GOLM1: variants seen among roughly 807,000 people sequenced by gnomAD.
The protein encoded by GOLM1 is epididymis luminal protein 46.
Under a neutral mutation model 50.5 loss-of-function variants are expected in GOLM1, and 31 were observed. The ratio of observed to expected loss-of-function variants is 0.61; its 90% CI spans 0.46 to 0.83. GOLM1 has a LOEUF of 0.83. Among genes scored for constraint, GOLM1 ranks in the 40% least tolerant of loss-of-function variants. The probability of loss-of-function intolerance (pLI) is 0.00; values close to 1 mark genes in which losing one functional copy is unlikely to be tolerated. For synonymous variants in GOLM1, 178 were observed against 192.8 expected (o/e 0.92, Z 0.64); for missense variants, 491 against 501.3 (o/e 0.98, Z 0.20).
intron 1 of GOLM1, among the ~76,000 whole-genome samples, chr9:86,088,883 T>C (rs1321999564): frequency 6.6e-6 from 1 of 152,192 alleles, no homozygotes; most frequent in Non-Finnish European, 1.5e-5. Context: ...TTGGTACGCT[T>C]TTGCAGTGGC....
chr9:86,033,305 G>A lies in GOLM1; in HGVS notation c.1106C>T (p.Ala369Val). The A allele has an allele frequency of 6.2e-7, 1 of 1,607,428 alleles. No individual in the cohort carries two copies. The highest frequency in any genetic ancestry group is 8.5e-7 in the Non-Finnish European group (1 of 1,173,884). Residue 369 changes from alanine to valine, a missense_variant, in exon 9 of 10, where the codon GCA becomes GTA. Ala to Val is a moderately conservative substitution (Grantham distance 64). Transcript: ENST00000388712. ...ESETDKQAAL[A>V]GNDRNIDVFN... is the part of the protein sequence containing the mutation. ...ACCATCTATGTTTCTGTCATTCCCT[G>A]CCAGGGCTGCTTGCTTGTCTGTCTC... is the stretch of plus-strand genomic sequence containing the variant.
Position 86,026,350 on chromosome 9 carries a change from C to CTAA in GOLM1, c.*1466_*1467insTTA. ...GCCTTTTCTGGGTGGGAAAGTTTAACCTTAGTGACTAAGGACATCACATAT... is the reference window on the plus strand; with the variant it reads ...GCCTTTTCTGGGTGGGAAAGTTTAACTAACTTAGTGACTAAGGACATCACATAT... On this transcript the variant is annotated 3_prime_UTR_variant, in exon 10 of 10. Transcript: ENST00000388712. 1.0e-6 allele frequency: 1 copy of CTAA among 985,128 alleles called. No homozygotes were observed. The allele number at this position is 985,128 out of a possible 1,614,324, so 61.0% of individuals were successfully genotyped here.
chr9:86,058,017 C>A (rs1834041494), intron 3 of GOLM1, among the ~76,000 whole-genome samples: 1 of 152,218 alleles, frequency 6.6e-6, no homozygotes, highest in Non-Finnish European at 1.5e-5. Flanking sequence ...CTTCTTTGTA[C>A]TGAAATTCCT....
At chr9:86,033,152 AAC>A in intron 9 of GOLM1, 128 bp downstream of exon 9, 1 of 632,838 alleles carries the variant, frequency 1.6e-6, no homozygotes, top group South Asian at 1.9e-5. Context: ...GCTCCTAAAG[AAC>A]AGACGATCTC....
chr9:86,026,296 T>A lies in GOLM1; in HGVS notation c.*1521A>T, dbSNP rs1036076444. 5 of 984,200 alleles carry A rather than the reference T, an allele frequency of 5.1e-6. No homozygotes were observed. The African/African-American group carries it at 8.7e-5, about 17-fold the overall frequency. 61.0% of individuals were successfully genotyped at this position (984,200 alleles called of 1,614,324 possible). ...GGCTGGAAGAGGACTTAGAAGAGTA[T>A]GAAAGTACTCTAAGATTTTATCTAA... On this transcript the variant is annotated 3_prime_UTR_variant, in exon 10 of 10. Transcript: ENST00000388712.
chr9:86,041,015 G>T, intron 5 of GOLM1, 147 bp from the exon 6 acceptor site: 1 of 643,350 alleles, frequency 1.6e-6, no homozygotes, highest in Non-Finnish European at 2.7e-6. Flanking sequence ...GGCAACACGG[G>T]TGTGTGTTCA....
At chr9:86,089,490 C>T (rs576082813) in intron 1 of GOLM1, among the ~76,000 whole-genome samples, 4 of 152,182 alleles carry the variant, frequency 2.6e-5, no homozygotes, top group African/African-American at 7.2e-5. Flanking sequence ...TGTCTTCACG[C>T]TTTATTTCAT....
At chr9:86,028,173 T>C (rs1025912015) in intron 9 of GOLM1, among the ~76,000 whole-genome samples, 1 of 152,180 alleles carries the variant, frequency 6.6e-6, no homozygotes, top group Admixed American at 6.5e-5. Flanking sequence ...AGGACTCCTG[T>C]CTTCTTGCCC....
intron 1 of GOLM1, among the ~76,000 whole-genome samples, chr9:86,087,587 T>C (rs553879428): frequency 2.2e-4 from 33 of 152,318 alleles, no homozygotes; most frequent in African/African-American, 7.5e-4. Flanking sequence ...TTGTTGTAAA[T>C]AGCTCTTATT....
intron 3 of GOLM1, among the ~76,000 whole-genome samples, chr9:86,056,503 AAT>A (rs1564348848): frequency 1.4e-5 from 1 of 72,520 alleles, no homozygotes; most frequent in East Asian, 2.4e-4. Context: ...TTTTTATTTA[AAT>A]TTTTTTTTTT....
intron 4 of GOLM1, among the ~76,000 whole-genome samples, chr9:86,048,537 T>C (rs1833632944): frequency 6.6e-6 from 1 of 152,206 alleles, no homozygotes; most frequent in African/African-American, 2.4e-5. Flanking sequence ...CAGCACCTGT[T>C]GTTTCCTGAC....
intron 3 of GOLM1, among the ~76,000 whole-genome samples, chr9:86,053,907 A>C (rs1833907879): frequency 2.0e-5 from 3 of 151,620 alleles, no homozygotes; most frequent in Non-Finnish European, 2.9e-5. Flanking sequence ...ACTCCACACC[A>C]GCCCAGGTCT....
intron 1 of GOLM1, among the ~76,000 whole-genome samples, chr9:86,089,970 CCTTT>C (rs1424071098): frequency 1.3e-5 from 2 of 152,058 alleles, no homozygotes; most frequent in Non-Finnish European, 2.9e-5. Flanking sequence ...TGATGCTATT[CCTTT>C]CTGTTAGTTT....
intron 1 of GOLM1, among the ~76,000 whole-genome samples, chr9:86,092,617 CCAATGGGAGCAGGGCT>C (rs1158072482): frequency 1.3e-5 from 2 of 152,150 alleles, no homozygotes; most frequent in East Asian, 3.9e-4. Context: ...CCCTGGGCTC[CCAATGGGAGCAGGGCT>C]GCCCAGGTAA....
At chr9:86,082,316 G>T (rs565365107) in intron 1 of GOLM1, among the ~76,000 whole-genome samples, 1 of 150,514 alleles carries the variant, frequency 6.6e-6, no homozygotes, top group Non-Finnish European at 1.5e-5. Flanking sequence ...ATGAGCCACC[G>T]TGCCCAGCCT....
chr9:86,085,206 AT>A (rs1465096801), intron 1 of GOLM1, among the ~76,000 whole-genome samples: 1 of 152,186 alleles, frequency 6.6e-6, no homozygotes, highest in Non-Finnish European at 1.5e-5. Flanking sequence ...CATTAGTGAT[AT>A]TTTCAAGCAC....
At chr9:86,039,278 G>T (rs1833251363) in intron 6 of GOLM1, among the ~76,000 whole-genome samples, 1 of 152,180 alleles carries the variant, frequency 6.6e-6, no homozygotes, top group African/African-American at 2.4e-5. Context: ...CTGCTAGGAA[G>T]GGTATCATGA....
At chr9:86,045,207 C>T (rs1163864276) in intron 5 of GOLM1, among the ~76,000 whole-genome samples, 9 of 151,514 alleles carry the variant, frequency 5.9e-5, no homozygotes, top group Admixed American at 3.3e-4. Flanking sequence ...GTAGAAACCC[C>T]GGGCGTGGTG....
chr9:86,070,903 A>G (rs888528579), intron 3 of GOLM1, among the ~76,000 whole-genome samples: 9 of 152,218 alleles, frequency 5.9e-5, no homozygotes, highest in Non-Finnish European at 1.3e-4. Flanking sequence ...AAAGTGAAAT[A>G]TAACAGCAGG....
Sources: gnomAD v4.1 joint callset for allele counts (sites outside exome capture counted in the v4.1 genomes callset) on GRCh38, gnomAD v4.1.1 for gene constraint, MANE v1.5 for transcripts, NCBI Gene and HGNC (gene_info 2026-07-23, HGNC 2026-07-21) for gene names.